Variants in ZNF420 observed in about 807,000 individuals in gnomAD.
ZNF420 encodes zinc finger protein 420, also known as ATM and p53-associated KZNF protein.
A neutral mutation model predicts 44.7 loss-of-function variants in ZNF420; 31 were observed. That is an observed-to-expected ratio of 0.69 (90% CI 0.52 to 0.94). The LOEUF (loss-of-function observed/expected upper bound fraction) is 0.94. Ranked by LOEUF, ZNF420 falls within the 40% of genes least tolerant of loss-of-function variation. The pLI, the probability that ZNF420 is intolerant of heterozygous loss-of-function variation, is 0.00. For missense variants in ZNF420, 681 were observed against 827.9 expected (o/e 0.82, Z 2.18); for synonymous variants, 245 against 267.4 (o/e 0.92, Z 0.82).
upstream of ZNF420, among the ~76,000 whole-genome samples, chr19:37,076,294 GTC>G (rs1362891604): frequency 6.6e-6 from 1 of 150,594 alleles, no homozygotes; most frequent in Non-Finnish European, 1.5e-5. Flanking sequence ...ACCAGAATGT[GTC>G]TGTCACCTCC....
At chr19:37,047,116 A>ATTTT (rs1967556913) in intron 1 of ZNF420, among the ~76,000 whole-genome samples, 1 of 152,242 alleles carries the variant, frequency 6.6e-6, no homozygotes, top group Admixed American at 6.5e-5. Flanking sequence ...GATTTATCCA[A>ATTTT]TTTTGTGCAC....
chr19:37,014,325 C>T (rs2074593622), intron 1 of ZNF420, among the ~76,000 whole-genome samples: 1 of 152,190 alleles, frequency 6.6e-6, no homozygotes, highest in South Asian at 2.1e-4. Context: ...GACTCCCTCC[C>T]CTGGGATCTC....
At chr19:37,123,483 T>C (rs1045146787) in intron 4 of ZNF420, among the ~76,000 whole-genome samples, 5 of 152,218 alleles carry the variant, frequency 3.3e-5, no homozygotes, top group Non-Finnish European at 7.4e-5. Flanking sequence ...CTTAGGCTAT[T>C]GAAGCCAGCA....
chr19:37,045,658 A>G (rs1402350802), intron 1 of ZNF420, among the ~76,000 whole-genome samples: 1 of 152,206 alleles, frequency 6.6e-6, no homozygotes, highest in African/African-American at 2.4e-5. Flanking sequence ...GAAAAAGAAA[A>G]GATCATTATA....
In ZNF420 at chr19:37,127,117, T is replaced by G. The variant is rs1971388669; in HGVS notation, c.137-11T>G. 2.1e-6 allele frequency: 3 copies of G among 1,456,268 alleles called. No homozygotes were observed. The highest frequency in any genetic ancestry group is 2.7e-6 in the Non-Finnish European group (3 of 1,102,178). 90.2% of individuals were successfully genotyped at this position (1,456,268 alleles called of 1,614,324 possible). A position where few individuals can be genotyped will look rare whatever the true frequency, so the allele number is the denominator to read the frequency against. On this transcript the variant is annotated splice_polypyrimidine_tract_variant and intron_variant, in intron 4 of 4. Coordinates refer to ENST00000337995, the MANE Select transcript of ZNF420 (RefSeq NM_144689.5). ...TATTTCTCAATTTTTTTATTCTCTC[T>G]TATCTTTCAGACTTGCCTTCAAGGT...
At chr19:37,008,959 C>T (rs1299949934) in intron 1 of ZNF420, among the ~76,000 whole-genome samples, 1 of 152,196 alleles carries the variant, frequency 6.6e-6, no homozygotes, top group South Asian at 2.1e-4. Flanking sequence ...TGTGAAGATC[C>T]TGGAGCTCTG....
rs186518557 is a variant in ZNF420, at chr19:37,038,934, C to T, written c.-125+30852C>T. Among the ~76,000 whole-genome samples, 681 of 151,648 alleles carry T rather than the reference C, an allele frequency of 4.5e-3. 22 individuals are homozygous for T. Among genetic ancestry groups the T allele is most frequent in the Admixed American group, 0.041 (630 of 15,212 alleles). Reference sequence around the variant, plus strand: ...CCAGGAGGCGGAGGTTGCAGTGAGTCGAGAACGCACCATTGCACTCCAGCC... The same window carrying T: ...CCAGGAGGCGGAGGTTGCAGTGAGTTGAGAACGCACCATTGCACTCCAGCC... On this transcript the variant is annotated intron_variant, in intron 1 of 4. Coordinates refer to the ZNF420 transcript ENST00000587029.
Position 37,032,897 on chromosome 19 carries a change from C to T in ZNF420, c.-125+24815C>T, listed in dbSNP as rs116893743. On this transcript the variant is annotated intron_variant, in intron 1 of 4. Coordinates refer to the ZNF420 transcript ENST00000587029. ...TGAAAGAGGGAGCAGAAAAATGATT[C>T]ATCTGTATCAGGTGTGGTCGGCAAG... 6.2e-3 allele frequency among the ~76,000 whole-genome samples: 938 copies of T among 152,252 alleles called. 28 individuals carry two copies. The highest frequency in any genetic ancestry group is 0.049 in the East Asian group (254 of 5,174).
At chr19:37,100,068 T>C (rs1444204096) in intron 4 of ZNF420, among the ~76,000 whole-genome samples, 1 of 152,240 alleles carries the variant, frequency 6.6e-6, no homozygotes, top group East Asian at 1.9e-4. Flanking sequence ...TTTCCCTGTG[T>C]TTTCTTCTAC....
chr19:37,114,981 C>T (rs1169416995), intron 4 of ZNF420: 1 of 155,432 alleles, frequency 6.4e-6, no homozygotes, highest in African/African-American at 2.4e-5. Context: ...TTTGTAGAGA[C>T]TCTGACTCCC....
At chr19:37,047,259 TAGG>T (rs1967558804) in intron 1 of ZNF420, among the ~76,000 whole-genome samples, 3 of 152,224 alleles carry the variant, frequency 2.0e-5, no homozygotes, top group Non-Finnish European at 4.4e-5. Flanking sequence ...GTAGGGCCTT[TAGG>T]AAGTAATTCA....
At chr19:37,050,087 G>C (rs1430590930) in intron 1 of ZNF420, among the ~76,000 whole-genome samples, 1 of 152,004 alleles carries the variant, frequency 6.6e-6, no homozygotes, top group Non-Finnish European at 1.5e-5. Context: ...CTCTGTTTTG[G>C]TACCAGTACC....
intron 1 of ZNF420, among the ~76,000 whole-genome samples, chr19:37,054,670 T>C (rs1256752200): frequency 6.6e-6 from 1 of 152,228 alleles, no homozygotes; most frequent in Non-Finnish European, 1.5e-5. Context: ...AGGTGGAACA[T>C]GCAGTGAATA....
At chr19:37,045,075 C>G (rs1294914339) in intron 1 of ZNF420, among the ~76,000 whole-genome samples, 1 of 152,158 alleles carries the variant, frequency 6.6e-6, no homozygotes, top group Non-Finnish European at 1.5e-5. Flanking sequence ...CTACAATAAC[C>G]TTGTAGGTTT....
chr19:37,039,018 T>C (rs957326722), intron 1 of ZNF420, among the ~76,000 whole-genome samples: 1 of 151,960 alleles, frequency 6.6e-6, no homozygotes, highest in South Asian at 2.1e-4. Context: ...GAAAAAAGAT[T>C]GCAGCAATTC....
intron 1 of ZNF420, among the ~76,000 whole-genome samples, chr19:37,020,391 C>T (rs537561942): frequency 6.6e-6 from 1 of 151,914 alleles, no homozygotes; most frequent in East Asian, 1.9e-4. Context: ...TGCAGCCCCA[C>T]AACAAAACTC....
chr19:37,090,311 A>C (rs1027105974), intron 3 of ZNF420, among the ~76,000 whole-genome samples: 1 of 151,406 alleles, frequency 6.6e-6, no homozygotes, highest in African/African-American at 2.4e-5. Flanking sequence ...CCTGGGCAAC[A>C]TAACAAGACC....
intron 1 of ZNF420, among the ~76,000 whole-genome samples, chr19:37,070,281 G>A (rs189909570): frequency 1.3e-5 from 2 of 152,078 alleles, no homozygotes; most frequent in African/African-American, 4.8e-5. Flanking sequence ...TGAATTCTAA[G>A]AGATTTTATA....
At chr19:37,096,658 A>G (rs1207971739) in intron 4 of ZNF420, among the ~76,000 whole-genome samples, 1 of 152,110 alleles carries the variant, frequency 6.6e-6, no homozygotes, top group East Asian at 1.9e-4. Flanking sequence ...TTCAGAGCAT[A>G]TTTACTCCAT....
Sources: gnomAD v4.1 joint callset for allele counts (sites outside exome capture counted in the v4.1 genomes callset) on GRCh38, gnomAD v4.1.1 for gene constraint, MANE v1.5 for transcripts, NCBI Gene and HGNC (gene_info 2026-07-23, HGNC 2026-07-21) for gene names.